Variants in TIAM1 observed in about 807,000 individuals in gnomAD.
TIAM1 encodes the protein rho guanine nucleotide exchange factor TIAM1.
Under a neutral mutation model 163.5 loss-of-function variants are expected in TIAM1, and 65 were observed. That is an observed-to-expected ratio of 0.40 (90% CI 0.33 to 0.49). The LOEUF (loss-of-function observed/expected upper bound fraction) is 0.49, where lower values mean the gene tolerates loss of function less well. Ranked by LOEUF, TIAM1 falls within the 20% of genes least tolerant of loss-of-function variation. The probability of loss-of-function intolerance (pLI) is 0.77; values close to 1 mark genes in which losing one functional copy is unlikely to be tolerated. For synonymous variants in TIAM1, 833 were observed against 810.1 expected (o/e 1.03, Z -0.48); for missense variants, 1,789 against 2,044.7 (o/e 0.87, Z 2.41).
At chr21:31,193,635 T>C (rs139982807) in intron 13 of TIAM1, among the ~76,000 whole-genome samples, 1 of 152,274 alleles carries the variant, frequency 6.6e-6, no homozygotes, top group African/African-American at 2.4e-5. Flanking sequence ...TAAGATGAAA[T>C]GATTTAGGCA....
chr21:31,257,450 T>C (rs1340698464), intron 4 of TIAM1, among the ~76,000 whole-genome samples: 2 of 152,170 alleles, frequency 1.3e-5, no homozygotes, highest in Non-Finnish European at 2.9e-5. Context: ...AAATGAATCA[T>C]TGCCTCTCCT....
intron 11 of TIAM1, among the ~76,000 whole-genome samples, chr21:31,203,419 G>A (rs904822439): frequency 2.0e-5 from 3 of 152,168 alleles, no homozygotes; most frequent in Admixed American, 1.3e-4. Context: ...CACTGCTCCC[G>A]GCCCAATAGA....
At chr21:31,364,221 C>G (rs1168658219) in intron 2 of TIAM1, among the ~76,000 whole-genome samples, 1 of 152,114 alleles carries the variant, frequency 6.6e-6, no homozygotes, top group Non-Finnish European at 1.5e-5. Flanking sequence ...ATTAGAGGCC[C>G]CAGCACTGCA....
chr21:31,547,966 T>C (rs990050813), intron 1 of TIAM1, among the ~76,000 whole-genome samples: 8 of 152,144 alleles, frequency 5.3e-5, no homozygotes, highest in Non-Finnish European at 1.0e-4. Context: ...TTTAAAGAAC[T>C]TTCTACTGTA....
intron 9 of TIAM1, among the ~76,000 whole-genome samples, chr21:31,214,717 A>C (rs1426247037): frequency 2.0e-5 from 3 of 152,336 alleles, no homozygotes; most frequent in Non-Finnish European, 2.9e-5. Context: ...ACAAGAATGT[A>C]GTATCAGGAT....
At chr21:31,304,525 G>A (rs1053707755) in intron 2 of TIAM1, among the ~76,000 whole-genome samples, 8 of 152,128 alleles carry the variant, frequency 5.3e-5, no homozygotes, top group Non-Finnish European at 7.3e-5. Flanking sequence ...AACAAGTACC[G>A]TATGCCACAG....
intron 4 of TIAM1, among the ~76,000 whole-genome samples, chr21:31,262,804 C>CT (rs1206792910): frequency 6.6e-6 from 1 of 152,170 alleles, no homozygotes; most frequent in Non-Finnish European, 1.5e-5. Flanking sequence ...CTGCCAGGAA[C>CT]TCTTTTCTGG....
intron 2 of TIAM1, among the ~76,000 whole-genome samples, chr21:31,435,816 T>C (rs6517032): frequency 0.078 from 11,884 of 152,218 alleles, 1,539 homozygotes; most frequent in African/African-American, 0.27. Flanking sequence ...GTCACTGTCT[T>C]GGAAGTGGGT....
At chr21:31,521,158 G>T (rs77332744) in intron 1 of TIAM1, among the ~76,000 whole-genome samples, 2 of 152,124 alleles carry the variant, frequency 1.3e-5, no homozygotes, top group African/African-American at 2.4e-5. Context: ...CCTCAACTCC[G>T]CCACCTTCTC....
At chr21:31,483,822 C>A (rs181539483) in intron 1 of TIAM1, among the ~76,000 whole-genome samples, 1 of 152,008 alleles carries the variant, frequency 6.6e-6, no homozygotes, top group East Asian at 1.9e-4. Context: ...TAAGAAACTC[C>A]CAAGCAGATC....
chr21:31,133,756 AAATGT>A (rs1157980110), intron 23 of TIAM1, among the ~76,000 whole-genome samples: 3 of 152,146 alleles, frequency 2.0e-5, no homozygotes, highest in Non-Finnish European at 4.4e-5. Flanking sequence ...CCAAAGCCTA[AAATGT>A]ACTATGTAGC....
intron 6 of TIAM1, among the ~76,000 whole-genome samples, chr21:31,230,139 C>A (rs899975680): frequency 1.3e-5 from 2 of 152,132 alleles, no homozygotes; most frequent in Non-Finnish European, 2.9e-5. Flanking sequence ...AACCTCCCAG[C>A]CCCTACCCTC....
intron 3 of TIAM1, among the ~76,000 whole-genome samples, chr21:31,274,122 G>A (rs1489228227): frequency 6.6e-6 from 1 of 152,048 alleles, no homozygotes; most frequent in Admixed American, 6.6e-5. Context: ...GGCTGGGGCA[G>A]GAGAATCACT....
At position 31,244,679 on chromosome 21, in the gene TIAM1, C is replaced by T. The variant is rs542462080; in HGVS notation, c.1584+809G>A. ...GGCAGAGATTGCAGGGAGCTGAGAT[C>T]GTGCCACTGCACTTCCAGCATGGGT... On this transcript the variant is annotated intron_variant, in intron 6 of 27. Coordinates refer to ENST00000541036, the MANE Select transcript of TIAM1 (RefSeq NM_001353694.2). Among the ~76,000 whole-genome samples the T allele has an allele frequency of 6.0e-4, 92 of 152,306 alleles. 1 individual carries two copies. The highest frequency in any genetic ancestry group is 3.4e-3 in the Middle Eastern group (1 of 294).
At chr21:31,397,467 C>A (rs940885555) in intron 2 of TIAM1, among the ~76,000 whole-genome samples, 5 of 152,028 alleles carry the variant, frequency 3.3e-5, no homozygotes, top group African/African-American at 7.3e-5. Context: ...AAGTAGAAAC[C>A]AATATACAAA....
chr21:31,288,785 C>T (rs902393181), intron 2 of TIAM1, among the ~76,000 whole-genome samples: 1 of 152,118 alleles, frequency 6.6e-6, no homozygotes, highest in Non-Finnish European at 1.5e-5. Context: ...ATTATCTCAA[C>T]CACACTTTGT....
At chr21:31,145,073 C>T (rs1047376180) in intron 20 of TIAM1, among the ~76,000 whole-genome samples, 1 of 151,896 alleles carries the variant, frequency 6.6e-6, no homozygotes, top group Admixed American at 6.6e-5. Context: ...AATCTCGTAA[C>T]AATTAGCATT....
At chr21:31,357,822 C>T (rs963998755) in intron 2 of TIAM1, among the ~76,000 whole-genome samples, 1 of 152,208 alleles carries the variant, frequency 6.6e-6, no homozygotes, top group Non-Finnish European at 1.5e-5. Context: ...CTATCAGCAG[C>T]ATTTGACACC....
At chr21:31,287,708 G>A (rs767251073) in intron 2 of TIAM1, among the ~76,000 whole-genome samples, 4 of 152,208 alleles carry the variant, frequency 2.6e-5, no homozygotes, top group Admixed American at 6.5e-5. Context: ...GCAGTGAGGC[G>A]AGTGCATGGG....
Sources: allele counts gnomAD v4.1 joint callset (sites outside exome capture counted in the v4.1 genomes callset), GRCh38; gene constraint gnomAD v4.1.1; transcripts MANE v1.5; gene names NCBI Gene and HGNC (gene_info 2026-07-23, HGNC 2026-07-21).